The following MUCL3 variants were observed in gnomAD, a reference collection of about 807,000 sequenced individuals.
MUCL3 encodes the protein mucin-like protein 3.
In MUCL3, 42 loss-of-function variants were observed where a neutral mutation model predicts 70.2. That is an observed-to-expected ratio of 0.60 (90% CI 0.47 to 0.77). MUCL3 has a LOEUF of 0.77. MUCL3 is among the 30% of genes least tolerant of loss of function. The pLI is 0.00. For synonymous variants in MUCL3, 522 were observed against 647.0 expected (o/e 0.81, Z 2.93); for missense variants, 1,429 against 1,670.0 (o/e 0.86, Z 2.52).
rs1214287523 is a variant in MUCL3, at chr6:30,954,051, C to T, written c.*934C>T. On this transcript the variant is annotated 3_prime_UTR_variant, in exon 3 of 3. Transcript: ENST00000462446. This position sits in a 1 kb window ranked among gnomAD's most constrained non-coding sequence, Gnocchi z 4.4. The stretch of plus-strand genomic sequence containing the variant: ...CACCTTCACCCCAGATTCAAGTTTT[C>T]CTCCTTGTAGGCATTTCATCTGTGT... 1.3e-5 allele frequency: 2 copies of T among 152,318 alleles called. No homozygotes were observed. Among genetic ancestry groups the T allele is most frequent in the Non-Finnish European group, 2.9e-5 (2 of 68,078 alleles). The allele number at this position is 152,318 out of a possible 1,614,324, so 9.4% of individuals were successfully genotyped here.
chr6:30,942,224 G>T (rs896035285), intron 1 of MUCL3, among the ~76,000 whole-genome samples: 1 of 152,216 alleles, frequency 6.6e-6, no homozygotes, highest in South Asian at 2.1e-4. Context: ...CTATGGACAA[G>T]TTCGACGAAC....
chr6:30,952,532 C>T (rs1760764876), intron 2 of MUCL3, 33 bp downstream of exon 2: 1 of 1,549,210 alleles, frequency 6.5e-7, no homozygotes, highest in Non-Finnish European at 8.7e-7. Context: ...AGAAATCAAC[C>T]TATGGGATAG....
At chr6:30,941,909 T>C (rs956054997) in intron 1 of MUCL3, among the ~76,000 whole-genome samples, 1 of 152,088 alleles carries the variant, frequency 6.6e-6, no homozygotes, top group Non-Finnish European at 1.5e-5. Context: ...CCCCCAGCCC[T>C]GGGGGGACAG....
At chr6:30,943,546 A>G (rs1795667641) in intron 1 of MUCL3, among the ~76,000 whole-genome samples, 1 of 151,918 alleles carries the variant, frequency 6.6e-6, no homozygotes, top group Non-Finnish European at 1.5e-5. Flanking sequence ...AGTGCAGTCT[A>G]GATGAAATCA....
rs1760683755 is a variant in MUCL3 at position 30,951,445 on chromosome 6, C to A, written c.2981C>A (p.Thr994Asn). ...AGGACCCCACTGGCCAATGAGAACA[C>A]CACAACATCCCCAACAGAGTCTACA... ...GERTPLANEN[T>N]TTSPTESTEH... The change falls in exon 2 of 3, where the codon ACC becomes AAC. Residue 994 changes from threonine (T) to asparagine (N), a missense_variant. Thr to Asn is a moderately conservative substitution (Grantham distance 65). Transcript: ENST00000462446. The A allele has an allele frequency of 6.4e-7, 1 of 1,550,986 alleles. No individual in the cohort carries two copies. The highest frequency in any genetic ancestry group is 8.7e-7 in the Non-Finnish European group (1 of 1,146,876).
At chr6:30,946,729 T>C (rs1306898731) in intron 1 of MUCL3, among the ~76,000 whole-genome samples, 1 of 152,230 alleles carries the variant, frequency 6.6e-6, no homozygotes, top group Non-Finnish European at 1.5e-5. Flanking sequence ...GGCTGTGCAC[T>C]GTGGTCTTAA....
intron 1 of MUCL3, among the ~76,000 whole-genome samples, chr6:30,943,209 C>T (rs1795649648): frequency 1.3e-5 from 2 of 152,204 alleles, no homozygotes; most frequent in Non-Finnish European, 2.9e-5. Flanking sequence ...TAACTAGATC[C>T]TGGAACCCCA....
At chr6:30,947,187 T>C (rs1022859996) in intron 1 of MUCL3, among the ~76,000 whole-genome samples, 7 of 152,106 alleles carry the variant, frequency 4.6e-5, no homozygotes, top group East Asian at 1.9e-4. Context: ...CAATAAACAA[T>C]AGCTATTACT....
chr6:30,952,357 CAT>C lies in MUCL3; in HGVS notation c.3895_3896del (p.Tyr1299ProfsTer3). The C allele has an allele frequency of 6.2e-7, 1 of 1,614,206 alleles. No individual in the cohort carries two copies. The highest frequency in any genetic ancestry group is 8.5e-7 in the Non-Finnish European group (1 of 1,180,044). On this transcript the variant is annotated frameshift_variant, in exon 2 of 3. Coordinates refer to ENST00000462446, the MANE Select transcript of MUCL3 (RefSeq NM_080870.4). LOFTEE classifies it high-confidence loss of function. ...GAAGCCACAGGAAACGAGAGCCATC[CAT>C]ACCTCAATAAAGATGGCTCACAGAA...
Position 30,950,266 on chromosome 6 carries a change from C to T in MUCL3, c.1802C>T (p.Pro601Leu). The T allele has an allele frequency of 1.3e-6, 2 of 1,550,548 alleles. No individual in the cohort carries two copies. The highest frequency in any genetic ancestry group is 8.7e-7 in the Non-Finnish European group (1 of 1,146,836). ...AAGACCACATCATCCTCAGCAGAGC[C>T]TACAGAACACGAAGAAAGGACTCCA... ...NEKTTSSSAE[P>L]TEHEERTPLA... Residue 601 changes from proline (P) to leucine (L), a missense_variant, in exon 2 of 3, where the codon CCT (proline) becomes CTT (leucine). Pro to Leu is a moderately conservative substitution (Grantham distance 98). Transcript: ENST00000462446.
Position 30,953,105 on chromosome 6 carries a change from T to G in MUCL3, c.4170T>G (p.Pro1390=), listed in dbSNP as rs1251022087. Residue 1390 remains proline, a synonymous_variant, in exon 3 of 3, where the codon CCT becomes CCG. Coordinates refer to ENST00000462446, the MANE Select transcript of MUCL3 (RefSeq NM_080870.4). ...EQQNLGMGQI[P]SPR is the part of the protein sequence containing the mutation. ...AGAATCTTGGCATGGGCCAGATCCC[T>G]TCCCCACGGTGATCTTGGAGTAGGC... is the stretch of plus-strand genomic sequence containing the variant. 4 of 1,614,016 alleles carry G rather than the reference T, an allele frequency of 2.5e-6. No homozygotes were observed. Among genetic ancestry groups the G allele is most frequent in the Non-Finnish European group, 3.4e-6 (4 of 1,180,042 alleles).
At position 30,951,462 on chromosome 6, in the gene MUCL3, G is replaced by C. The variant is rs1276451643; in HGVS notation, c.2998G>C (p.Glu1000Gln). The change falls in exon 2 of 3, where the codon GAG (glutamate) becomes CAG (glutamine). Residue 1000 changes from glutamate (E) to glutamine (Q), a missense_variant. By Grantham distance (29) the Glu-to-Gln change is conservative. Coordinates refer to ENST00000462446, the MANE Select transcript of MUCL3 (RefSeq NM_080870.4). ...TGAGAACACCACAACATCCCCAACA[G>C]AGTCTACAGAACATGGAGAAAGGAC... ...ANENTTTSPT[E>Q]STEHGERTAN... The C allele has an allele frequency of 1.9e-6, 3 of 1,545,900 alleles. No homozygotes were observed. The South Asian group carries it at 3.6e-5, about 18-fold the overall frequency.
rs757462262 is a variant in MUCL3 at position 30,952,336 on chromosome 6, C to G, written c.3872C>G (p.Ala1291Gly). 1.9e-6 allele frequency: 3 copies of G among 1,614,174 alleles called. No homozygotes were observed. In the African/African-American group the frequency reaches 4.0e-5, roughly 22 times the overall value. Residue 1291 changes from alanine to glycine, a missense_variant, in exon 2 of 3, where the codon GCC becomes GGC. Coordinates refer to ENST00000462446, the MANE Select transcript of MUCL3 (RefSeq NM_080870.4). ...AAGCTGAGTTCTATCACATCAGAAG[C>G]CACAGGAAACGAGAGCCATCCATAC... ...RTKLSSITSE[A>G]TGNESHPYLN...
chr6:30,946,548 T>G (rs1414958616), intron 1 of MUCL3, among the ~76,000 whole-genome samples: 1 of 152,240 alleles, frequency 6.6e-6, no homozygotes, highest in East Asian at 1.9e-4. Flanking sequence ...TTTTGCCAAT[T>G]ACTTAACCTC....
In MUCL3 at chr6:30,948,760, C is replaced by T. The variant is rs1419281751; in HGVS notation, c.296C>T (p.Pro99Leu). The change falls in exon 2 of 3, where the codon CCT (proline) becomes CTT (leucine). Residue 99 changes from proline to leucine, a missense_variant. Coordinates refer to ENST00000462446, the MANE Select transcript of MUCL3 (RefSeq NM_080870.4). ...TTRHSKPTDK[P>L]TGNSKTIDHK... ...CGCCATTCTAAGCCAACTGACAAGC[C>T]TACAGGCAACTCCAAAACTATAGAC... 4 of 1,551,604 alleles carry T rather than the reference C, an allele frequency of 2.6e-6. No individual in the cohort carries two copies. The East Asian group carries it at 9.8e-5, about 38-fold the overall frequency.
rs769110377 is a variant in MUCL3 at position 30,949,143 on chromosome 6, G to GA, written c.685dup (p.Ile229AsnfsTer22). The GA allele has an allele frequency of 4.6e-5, 71 of 1,551,024 alleles. No homozygotes were observed. Among genetic ancestry groups the GA allele is most frequent in the Middle Eastern group, 1.7e-4 (1 of 6,012 alleles). On this transcript the variant is annotated frameshift_variant, in exon 2 of 3. Transcript: ENST00000462446. LOFTEE classifies it high-confidence loss of function. ...CAAGCAAAAAAGCACATCTTTTCCA[G>GA]AAAAAATCACAGCAGCCTCAAAAAC...
At position 30,952,136 on chromosome 6, in the gene MUCL3, C is replaced by T; in HGVS notation, c.3672C>T (p.Ala1224=). The T allele has an allele frequency of 6.2e-7, 1 of 1,613,246 alleles. No individual in the cohort carries two copies. The highest frequency in any genetic ancestry group is 8.5e-7 in the Non-Finnish European group (1 of 1,179,800). ...NTTLTTETIK[A]PVKSTENPEK... is the part of the protein sequence containing the mutation. The stretch of plus-strand genomic sequence containing the variant: ...CACTGACCACTGAGACCATAAAAGC[C>T]CCAGTAAAGTCCACAGAAAACCCAG... Residue 1224 remains alanine (A), a synonymous_variant, in exon 2 of 3, where the codon GCC becomes GCT. Transcript: ENST00000462446.
At chr6:30,945,570 C>T (rs1015634118) in intron 1 of MUCL3, among the ~76,000 whole-genome samples, 1 of 151,802 alleles carries the variant, frequency 6.6e-6, no homozygotes, top group Non-Finnish European at 1.5e-5. Flanking sequence ...CTGCTTGAGC[C>T]CAGGAGGTCA....
At position 30,949,278 on chromosome 6, in the gene MUCL3, A is replaced by G. The variant is rs1287242899; in HGVS notation, c.814A>G (p.Thr272Ala). Residue 272 changes from threonine (T) to alanine (A), a missense_variant, in exon 2 of 3, where the codon ACC becomes GCC. Transcript: ENST00000462446. Reference protein sequence around the residue: ...LTKTTKNIQETISANELTQSL... With the variant: ...LTKTTKNIQEAISANELTQSL... ...AAAAACTACAAAAAACATACAAGAG[A>G]CCATATCAGCCAATGAGCTCACACA... 1 of 1,551,374 alleles carries G rather than the reference A, an allele frequency of 6.4e-7. No homozygotes were observed. Among genetic ancestry groups the G allele is most frequent in the African/African-American group, 1.4e-5 (1 of 73,086 alleles).
Sources: gnomAD v4.1 joint callset for allele counts (sites outside exome capture counted in the v4.1 genomes callset) on GRCh38, gnomAD v4.1.1 for gene constraint, Gnocchi (gnomAD v3.1) non-coding constraint, MANE v1.5 for transcripts, NCBI Gene and HGNC (gene_info 2026-07-23, HGNC 2026-07-21) for gene names.